The following ZNF385C variants were observed in gnomAD, a reference collection of about 807,000 sequenced individuals.
ZNF385C encodes CTD-2132N18.2.
ZNF385C carries 28 observed loss-of-function variants against 35.4 expected under a neutral mutation model. The ratio of observed to expected loss-of-function variants is 0.79; its 90% confidence interval spans 0.59 to 1.08. ZNF385C has a LOEUF of 1.08. Ranked by LOEUF, ZNF385C falls within the 50% of genes least tolerant of loss-of-function variation. The pLI is 0.00. For synonymous variants in ZNF385C, 248 were observed against 248.2 expected (o/e 1.00, Z 0.01); for missense variants, 605 against 595.6 (o/e 1.02, Z -0.16).
intron 3 of ZNF385C, among the ~76,000 whole-genome samples, chr17:42,035,527 GA>G (rs2143584962): frequency 6.7e-6 from 1 of 149,004 alleles, no homozygotes; most frequent in Non-Finnish European, 1.5e-5. Flanking sequence ...CACAGGGCCT[GA>G]GGCTGCTGAC....
At chr17:42,034,506 G>A (rs147506674) in intron 3 of ZNF385C, among the ~76,000 whole-genome samples, 171 bp from the exon 4 acceptor site, 85 of 152,228 alleles carry the variant, frequency 5.6e-4, no homozygotes, top group African/African-American at 1.9e-3. Flanking sequence ...TGGGCCAGGC[G>A]CGGTGGCTCA....
chr17:42,077,309 T>A (rs1443335544), intron 1 of ZNF385C, among the ~76,000 whole-genome samples: 1 of 152,096 alleles, frequency 6.6e-6, no homozygotes, highest in Non-Finnish European at 1.5e-5. Context: ...TGTGACATCA[T>A]GCCTGCAAAG....
At chr17:42,027,597 C>A in intron 8 of ZNF385C, 21 bp downstream of exon 8, 1 of 1,476,290 alleles carries the variant, frequency 6.8e-7, no homozygotes, top group Non-Finnish European at 9.2e-7. Context: ...AGTCCCAGCT[C>A]TGTTGCCTGG....
At chr17:42,088,377 G>A (rs1208065081) in intron 1 of ZNF385C, among the ~76,000 whole-genome samples, 1 of 152,240 alleles carries the variant, frequency 6.6e-6, no homozygotes, top group Non-Finnish European at 1.5e-5. Context: ...TGGCCCGGGT[G>A]GGCGCAGTGC....
At position 42,041,892 on chromosome 17, in the gene ZNF385C, A is replaced by AGG. The variant is rs577997910; in HGVS notation, c.251-4009_251-4008dup. Among the ~76,000 whole-genome samples, 6 of 152,282 alleles carry AGG rather than the reference A, an allele frequency of 3.9e-5. No individual in the cohort carries two copies. In the South Asian group the frequency reaches 1.2e-3, roughly 32 times the overall value. On this transcript the variant is annotated intron_variant, in intron 2 of 8. Transcript: ENST00000692273. ...TTGGAGAGGGCCAGGGATAAGCCAGAGGGAACACCCTGCTCTCCAACTCCA... is the reference window on the plus strand; with the variant it reads ...TTGGAGAGGGCCAGGGATAAGCCAGAGGGGGAACACCCTGCTCTCCAACTCCA...
At chr17:42,053,875 G>A (rs895663581) in intron 2 of ZNF385C, among the ~76,000 whole-genome samples, 15 of 152,096 alleles carry the variant, frequency 9.9e-5, no homozygotes, top group Non-Finnish European at 2.9e-5. Context: ...GCACCACCGC[G>A]GAGTGCAGAA....
At chr17:42,037,017 G>A (rs1461401062) in intron 3 of ZNF385C, among the ~76,000 whole-genome samples, 2 of 152,102 alleles carry the variant, frequency 1.3e-5, no homozygotes, top group Non-Finnish European at 1.5e-5. Context: ...TTATGCACAC[G>A]TGTACAAGGA....
intron 2 of ZNF385C, chr17:42,039,756 C>T (rs1392555488): frequency 1.3e-5 from 16 of 1,232,510 alleles, no homozygotes; most frequent in Non-Finnish European, 1.6e-5. Flanking sequence ...TCTCTAAGAA[C>T]TCCACAGCCA....
intron 2 of ZNF385C, among the ~76,000 whole-genome samples, chr17:42,053,944 G>T (rs2053330379): frequency 6.6e-6 from 1 of 152,202 alleles, no homozygotes; most frequent in Admixed American, 6.5e-5. Context: ...GTGAGGGACA[G>T]GAGGGGAGGG....
intron 1 of ZNF385C, 94 bp from the exon 2 acceptor site, chr17:42,063,152 T>C: frequency 5.6e-6 from 3 of 535,682 alleles, no homozygotes; most frequent in Non-Finnish European, 1.0e-5. Context: ...CACGGGGCTC[T>C]GTATCCTCTA....
chr17:42,070,916 C>T (rs569869680), intron 1 of ZNF385C, among the ~76,000 whole-genome samples: 1 of 152,310 alleles, frequency 6.6e-6, no homozygotes, highest in South Asian at 2.1e-4. Flanking sequence ...CTCCCCACTG[C>T]CCTCTCCCAG....
intron 1 of ZNF385C, among the ~76,000 whole-genome samples, chr17:42,086,048 G>A (rs2053803715): frequency 6.6e-6 from 1 of 151,830 alleles, no homozygotes; most frequent in South Asian, 2.1e-4. Flanking sequence ...AGCCTGGGCA[G>A]CAGAGCAAGA....
intron 1 of ZNF385C, among the ~76,000 whole-genome samples, chr17:42,092,330 G>C (rs181984592): frequency 2.6e-5 from 4 of 152,128 alleles, no homozygotes; most frequent in Non-Finnish European, 4.4e-5. Flanking sequence ...GAACCTGGGA[G>C]GGGGAGGTTG....
chr17:42,069,439 T>C (rs1229332544), intron 1 of ZNF385C, among the ~76,000 whole-genome samples: 1 of 152,116 alleles, frequency 6.6e-6, no homozygotes, highest in East Asian at 1.9e-4. Flanking sequence ...GAGGGGACTG[T>C]GGAGGCCAGA....
chr17:42,049,752 G>C (rs2053244728), intron 2 of ZNF385C, among the ~76,000 whole-genome samples: 1 of 152,266 alleles, frequency 6.6e-6, no homozygotes, highest in African/African-American at 2.4e-5. Context: ...AAGGCAGGTA[G>C]GTAGAGCCCA....
At chr17:42,030,354 G>C (rs140152899) in intron 5 of ZNF385C, among the ~76,000 whole-genome samples, 2 of 152,258 alleles carry the variant, frequency 1.3e-5, no homozygotes, top group African/African-American at 4.8e-5. Flanking sequence ...TGGACGTGGT[G>C]GCAGGTACCT....
chr17:42,094,086 C>T (rs797032062), intron 1 of ZNF385C, among the ~76,000 whole-genome samples: 6 of 151,878 alleles, frequency 4.0e-5, no homozygotes, highest in African/African-American at 7.2e-5. Flanking sequence ...CAGGTACAAA[C>T]GATTCTCCCA....
At chr17:42,048,376 CAA>C (rs34771406) in intron 2 of ZNF385C, among the ~76,000 whole-genome samples, 472 of 124,742 alleles carry the variant, frequency 3.8e-3, no homozygotes, top group Admixed American at 4.4e-3. Flanking sequence ...CTGTCTTTAC[CAA>C]AAAAAAAAAA....
At chr17:42,057,493 G>GGT (rs1347050904) in intron 2 of ZNF385C, among the ~76,000 whole-genome samples, 10 of 48,526 alleles carry the variant, frequency 2.1e-4, no homozygotes, top group South Asian at 8.5e-4. Context: ...GTTATTTAGG[G>GGT]GTGTGCGCGC....
Sources: allele counts gnomAD v4.1 joint callset (sites outside exome capture counted in the v4.1 genomes callset), GRCh38; gene constraint gnomAD v4.1.1; transcripts MANE v1.5; gene names NCBI Gene and HGNC (gene_info 2026-07-23, HGNC 2026-07-21).